Variants in ATL1 observed in about 807,000 individuals in gnomAD.
ATL1 encodes the protein atlastin-1.
Under a neutral mutation model 75.5 loss-of-function variants are expected in ATL1, and 31 were observed. The observed-to-expected ratio is 0.41, with a 90% confidence interval of 0.31 to 0.55. ATL1 has a LOEUF of 0.55. Among genes scored for constraint, ATL1 ranks in the 20% least tolerant of loss-of-function variants. The pLI is 0.27. For synonymous variants in ATL1, 226 were observed against 233.3 expected (o/e 0.97, Z 0.28); for missense variants, 405 against 662.6 (o/e 0.61, Z 4.27).
chr14:50,533,250 A>G (rs2038444556), exon 1 of ATL1: 1 of 152,154 alleles, frequency 6.6e-6, no homozygotes, highest in African/African-American at 2.4e-5. Context: ...GAGTTCCGCA[A>G]AAGTAAAACA....
chr14:50,618,034 C>G (rs1479221230), intron 8 of ATL1, among the ~76,000 whole-genome samples: 1 of 152,282 alleles, frequency 6.6e-6, no homozygotes, highest in African/African-American at 2.4e-5. Context: ...TAATTAATTA[C>G]CACACTTGCT....
intron 1 of ATL1, among the ~76,000 whole-genome samples, chr14:50,567,983 TTGTC>T (rs763721839): frequency 4.6e-5 from 7 of 152,210 alleles, no homozygotes; most frequent in South Asian, 2.1e-4. Context: ...ATGTCTGTAT[TTGTC>T]TGTTAGGTCT....
intron 4 of ATL1, among the ~76,000 whole-genome samples, chr14:50,592,922 A>C (rs1288113266): frequency 1.9e-5 from 2 of 104,292 alleles, no homozygotes; most frequent in African/African-American, 9.3e-5. Flanking sequence ...TCAAAAAAAA[A>C]AAAAAAAATA....
chr14:50,589,725 A>G (rs2039138103), intron 2 of ATL1, among the ~76,000 whole-genome samples: 1 of 152,232 alleles, frequency 6.6e-6, no homozygotes, highest in Non-Finnish European at 1.5e-5. Flanking sequence ...GCCAGATAAT[A>G]GAACAAATTC....
intron 1 of ATL1, among the ~76,000 whole-genome samples, chr14:50,543,995 G>T (rs1160775435): frequency 6.6e-6 from 1 of 152,176 alleles, no homozygotes; most frequent in African/African-American, 2.4e-5. Context: ...AGAGAAGGGG[G>T]TCATTGTACT....
At chr14:50,558,171 C>G (rs1178719556), upstream of ATL1, among the ~76,000 whole-genome samples, 2 of 152,126 alleles carry the variant, frequency 1.3e-5, no homozygotes, top group Non-Finnish European at 1.5e-5. Context: ...TTGAGACCAG[C>G]CTGGGCAACA....
At chr14:50,618,436 C>T (rs2039434789) in intron 8 of ATL1, among the ~76,000 whole-genome samples, 1 of 152,022 alleles carries the variant, frequency 6.6e-6, no homozygotes, top group Non-Finnish European at 1.5e-5. Flanking sequence ...AAAATTGGTA[C>T]AATGCAAACA....
intron 6 of ATL1, among the ~76,000 whole-genome samples, chr14:50,596,353 A>G (rs1339970864): frequency 6.6e-6 from 1 of 152,200 alleles, no homozygotes; most frequent in Non-Finnish European, 1.5e-5. Flanking sequence ...CTCAAAATAT[A>G]TAAAGATCAA....
chr14:50,620,989 A>G (rs2039462360), intron 9 of ATL1, among the ~76,000 whole-genome samples: 1 of 152,180 alleles, frequency 6.6e-6, no homozygotes, highest in Non-Finnish European at 1.5e-5. Context: ...TTGAAATATG[A>G]ATGTAAGAGT....
At chr14:50,618,843 C>T (rs1172009981) in intron 8 of ATL1, among the ~76,000 whole-genome samples, 2 of 148,224 alleles carry the variant, frequency 1.3e-5, no homozygotes, top group Non-Finnish European at 3.0e-5. Flanking sequence ...TGTATTTTTC[C>T]ATATATATAT....
chr14:50,620,811 G>T (rs577772043), intron 9 of ATL1, 85 bp downstream of exon 9: 271 of 1,462,394 alleles, frequency 1.9e-4, no homozygotes, highest in Non-Finnish European at 2.4e-4. Flanking sequence ...TTATAGACCC[G>T]ATAATATGGG....
At chr14:50,568,247 C>G (rs1303905721) in intron 1 of ATL1, among the ~76,000 whole-genome samples, 1 of 151,966 alleles carries the variant, frequency 6.6e-6, no homozygotes, top group Non-Finnish European at 1.5e-5. Flanking sequence ...ATATGATGTC[C>G]TAGCCAGGTA....
chr14:50,601,661 A>G (rs569437674), intron 6 of ATL1, among the ~76,000 whole-genome samples: 8 of 152,344 alleles, frequency 5.3e-5, no homozygotes, highest in Non-Finnish European at 8.8e-5. Flanking sequence ...CATAGTATAG[A>G]GTTCTCTAAG....
At chr14:50,554,988 G>A (rs1044797164) in intron 1 of ATL1, among the ~76,000 whole-genome samples, 6 of 152,058 alleles carry the variant, frequency 3.9e-5, no homozygotes, top group East Asian at 3.9e-4. Flanking sequence ...TCCCTTCTTC[G>A]TTTAGTATTA....
chr14:50,597,758 G>C (rs773666807), intron 6 of ATL1, among the ~76,000 whole-genome samples: 1 of 151,978 alleles, frequency 6.6e-6, no homozygotes, highest in Non-Finnish European at 1.5e-5. Flanking sequence ...GCAGTGGTGC[G>C]ATCTCGGCTC....
intron 1 of ATL1, among the ~76,000 whole-genome samples, chr14:50,562,910 A>G (rs1038269645): frequency 2.0e-5 from 3 of 152,196 alleles, no homozygotes; most frequent in African/African-American, 7.2e-5. Context: ...TAGAATGCCT[A>G]ACACAGTAGG....
intron 1 of ATL1, among the ~76,000 whole-genome samples, chr14:50,584,695 C>T (rs985184935): frequency 9.3e-5 from 14 of 150,902 alleles, no homozygotes; most frequent in African/African-American, 3.4e-4. Flanking sequence ...GGCGACAGAA[C>T]GAGACTCTGT....
intron 1 of ATL1, among the ~76,000 whole-genome samples, chr14:50,538,916 C>T (rs531939465): frequency 6.6e-6 from 1 of 152,316 alleles, no homozygotes; most frequent in African/African-American, 2.4e-5. Flanking sequence ...AACTCCTGGC[C>T]TCAAGCAATC....
intron 6 of ATL1, among the ~76,000 whole-genome samples, chr14:50,608,747 T>C (rs2039337168): frequency 1.3e-5 from 2 of 152,064 alleles, no homozygotes; most frequent in Non-Finnish European, 1.5e-5. Context: ...TGGTTTCATT[T>C]ATCCTGGTTC....
Sources: gnomAD v4.1 joint callset for allele counts (sites outside exome capture counted in the v4.1 genomes callset) on GRCh38, gnomAD v4.1.1 for gene constraint, MANE v1.5 for transcripts, NCBI Gene and HGNC (gene_info 2026-07-23, HGNC 2026-07-21) for gene names.